The following SCD variants were observed in gnomAD, a reference collection of about 807,000 sequenced individuals.
SCD encodes stearoyl-CoA desaturase.
SCD carries 4 observed loss-of-function variants against 35.7 expected under a neutral mutation model. The ratio of observed to expected loss-of-function variants is 0.11; its 90% CI spans 0.06 to 0.26. The LOEUF is 0.26. SCD is among the 10% of genes least tolerant of loss of function. The pLI is 1.00. For missense variants in SCD, 282 were observed against 460.7 expected, an observed-to-expected ratio of 0.61 and a Z score of 3.55; for synonymous variants, 150 against 170.2, an observed-to-expected ratio of 0.88 and a Z score of 0.92.
rs1381611831 is a variant in SCD at position 100,363,064 on chromosome 10, C to T, written c.*2131C>T. 5.9e-5 allele frequency: 9 copies of T among 152,256 alleles called. No homozygotes were observed. The highest frequency in any genetic ancestry group is 1.9e-4 in the East Asian group (1 of 5,204). 9.4% of individuals were successfully genotyped at this position (152,256 alleles called of 1,614,324 possible). ...GGGCAAGAACCCAAGTGCCTCACCT[C>T]GAAAGGAGGCCCTGTTCCCTGGAGT... On this transcript the variant is annotated 3_prime_UTR_variant, in exon 6 of 6. Transcript: ENST00000370355.
chr10:100,348,134 A>G lies in SCD; in HGVS notation c.98A>G (p.Asp33Gly), dbSNP rs1278432416. 6.2e-7 allele frequency: 1 copy of G among 1,613,670 alleles called. No individual in the cohort carries two copies. Among genetic ancestry groups the G allele is most frequent in the Non-Finnish European group, 8.5e-7 (1 of 1,179,812 alleles). Residue 33 changes from aspartate to glycine, a missense_variant, in exon 2 of 6, where the codon GAT becomes GGT. Transcript: ENST00000370355. ...PPSRVLQNGG[D>G]KLETMPLYLE... is the part of the protein sequence containing the mutation. The stretch of plus-strand genomic sequence containing the variant: ...TCCAGGGTCCTGCAGAATGGAGGAG[A>G]TAAGTTGGAGACGATGCCCCTCTAC...
rs1424413326 is a variant in SCD at position 100,354,514 on chromosome 10, T to C, written c.529T>C (p.Phe177Leu). 2.5e-6 allele frequency: 4 copies of C among 1,613,886 alleles called. No individual in the cohort carries two copies. The highest frequency in any genetic ancestry group is 3.4e-6 in the Non-Finnish European group (4 of 1,179,950). Residue 177 changes from phenylalanine (F) to leucine (L), a missense_variant, in exon 4 of 6, where the codon TTT (phenylalanine) becomes CTT (leucine). Transcript: ENST00000370355. The stretch of plus-strand genomic sequence containing the variant: ...TGATCCTCATAATTCCCGACGTGGC[T>C]TTTTCTTCTCTCACGTGGGTTGGCT... Reference protein sequence around the residue: ...HADPHNSRRGFFFSHVGWLLV... With the variant: ...HADPHNSRRGLFFSHVGWLLV...
intron 5 of SCD, 135 bp from the exon 6 acceptor site, chr10:100,360,599 A>G (rs1480135537): frequency 1.1e-5 from 8 of 707,620 alleles, no homozygotes; most frequent in Non-Finnish European, 1.5e-5. Flanking sequence ...GGTTCATATT[A>G]AAAGAGACTG....
chr10:100,352,307 T>A lies in SCD; in HGVS notation c.311-59T>A. The A allele has an allele frequency of 1.3e-6, 2 of 1,568,486 alleles. No individual in the cohort carries two copies. Among genetic ancestry groups the A allele is most frequent in the Non-Finnish European group, 1.7e-6 (2 of 1,148,012 alleles). On this transcript the variant is annotated intron_variant, in intron 2 of 5. Transcript: ENST00000370355. This position sits in a 1 kb window ranked among gnomAD's most constrained non-coding sequence, Gnocchi z 4.2. ...TAGCATCCAGAGAGTGTCTCTGGCATCCTTTCCCAGATGGAACTCACACTG... is the reference window on the plus strand; with the variant it reads ...TAGCATCCAGAGAGTGTCTCTGGCAACCTTTCCCAGATGGAACTCACACTG...
chr10:100,348,008 C>T, intron 1 of SCD, 56 bp from the exon 2 acceptor site: 1 of 1,551,662 alleles, frequency 6.4e-7, no homozygotes, highest in South Asian at 1.2e-5. Context: ...AGCGGAGTGG[C>T]CCCAGCTGCC....
Position 100,348,257 on chromosome 10 carries a change from G to A in SCD, c.221G>A (p.Arg74Lys). ...GPSPKVEYVW[R>K]NIILMSLLHL... ...AGCCCCAAGGTTGAATATGTCTGGA[G>A]AAACATCATCCTTATGTCTCTGCTA... Residue 74 changes from arginine to lysine, a missense_variant, in exon 2 of 6, where the codon AGA becomes AAA. Arg to Lys is a conservative substitution (Grantham distance 26). Coordinates refer to ENST00000370355, the MANE Select transcript of SCD (RefSeq NM_005063.5). 6.2e-7 allele frequency: 1 copy of A among 1,614,162 alleles called. No individual in the cohort carries two copies. Among genetic ancestry groups the A allele is most frequent in the Non-Finnish European group, 8.5e-7 (1 of 1,180,024 alleles).
In SCD at chr10:100,352,850, A is replaced by G. The variant is rs146918643; in HGVS notation, c.441+354A>G. Among the ~76,000 whole-genome samples the G allele has an allele frequency of 2.4e-4, 36 of 152,322 alleles. No homozygotes were observed. The highest frequency in any genetic ancestry group is 7.9e-4 in the African/African-American group (33 of 41,574). On this transcript the variant is annotated intron_variant, in intron 3 of 5. Transcript: ENST00000370355. This position sits in a 1 kb window ranked among gnomAD's most constrained non-coding sequence, Gnocchi z 4.2. ...TTAGATTCCTGGGCAGACACTGGAC[A>G]ATAAATTCACTATTTAAGGTAAATA...
intron 2 of SCD, among the ~76,000 whole-genome samples, chr10:100,348,992 C>A (rs948013532): frequency 1.3e-5 from 2 of 152,206 alleles, no homozygotes; most frequent in African/African-American, 4.8e-5. Flanking sequence ...TACCAGTCAA[C>A]AAAATGCTCT....
chr10:100,360,675 G>A (rs1482533050), intron 5 of SCD, 59 bp from the exon 6 acceptor site: 2 of 1,473,256 alleles, frequency 1.4e-6, no homozygotes, highest in African/African-American at 2.8e-5. Context: ...TAACTGGTGT[G>A]CACAAATCAA....
rs925446194 is a variant in SCD, at chr10:100,364,646, C to T, written c.*3713C>T. 5 of 152,586 alleles carry T rather than the reference C, an allele frequency of 3.3e-5. No homozygotes were observed. Among genetic ancestry groups the T allele is most frequent in the East Asian group, 3.8e-4 (2 of 5,202 alleles). The allele number at this position is 152,586 out of a possible 1,614,324, so 9.5% of individuals were successfully genotyped here. A position where few individuals can be genotyped will look rare whatever the true frequency, so the allele number is the denominator to read the frequency against. ...AGAATACATAAACAACGCATTGCCACGGAAACATACAGAGGATGCCTTTTC... is the reference window on the plus strand; with the variant it reads ...AGAATACATAAACAACGCATTGCCATGGAAACATACAGAGGATGCCTTTTC... On this transcript the variant is annotated 3_prime_UTR_variant, in exon 6 of 6. Transcript: ENST00000370355.
chr10:100,353,475 C>T (rs1017677447), intron 3 of SCD, among the ~76,000 whole-genome samples: 9 of 151,074 alleles, frequency 6.0e-5, no homozygotes, highest in East Asian at 2.0e-4. Context: ...GTCCCAGCTA[C>T]GTGGGAGGCT....
rs35108206 is a variant in SCD at position 100,353,582 on chromosome 10, C to CAA, written c.442-828_442-827dup. 2.3e-3 allele frequency among the ~76,000 whole-genome samples: 249 copies of CAA among 106,376 alleles called. 2 individuals are homozygous for CAA. The highest frequency in any genetic ancestry group is 0.011 in the East Asian group (43 of 3,778). 69.8% of individuals were successfully genotyped at this position (106,376 alleles called of 152,430 possible). ...CCTGGGCAACAGCAAGACTCCATCTCAAAAAAAAAAAAAAAAAAGTTTATA... is the reference window on the plus strand; with the variant it reads ...CCTGGGCAACAGCAAGACTCCATCTCAAAAAAAAAAAAAAAAAAAAGTTTATA... On this transcript the variant is annotated intron_variant, in intron 3 of 5. Coordinates refer to ENST00000370355, the MANE Select transcript of SCD (RefSeq NM_005063.5).
rs1849910609 is a variant in SCD at position 100,354,764 on chromosome 10, T to TA, written c.647+136dup. 4.3e-6 allele frequency: 3 copies of TA among 695,762 alleles called. No individual in the cohort carries two copies. The Admixed American group carries it at 8.2e-5, about 19-fold the overall frequency. The allele number at this position is 695,762 out of a possible 1,614,324, so 43.1% of individuals were successfully genotyped here. On this transcript the variant is annotated intron_variant, in intron 4 of 5. Transcript: ENST00000370355. ...GGTTTGCATGTTCACAATCTTAATT[T>TA]AAAATCCCAATTTTTAACATCCCAC... is the stretch of plus-strand genomic sequence containing the variant.
Position 100,357,042 on chromosome 10 carries a change from G to A in SCD, c.880+278G>A, listed in dbSNP as rs147110278. ...CAAATGCCATGTATGCTCCGGGCCCGGCGGCTCATGCCTGTAATCCCAGCA... is the reference window on the plus strand; with the variant it reads ...CAAATGCCATGTATGCTCCGGGCCCAGCGGCTCATGCCTGTAATCCCAGCA... On this transcript the variant is annotated intron_variant, in intron 5 of 5. Coordinates refer to ENST00000370355, the MANE Select transcript of SCD (RefSeq NM_005063.5). Among the ~76,000 whole-genome samples, 519 of 152,318 alleles carry A rather than the reference G, an allele frequency of 3.4e-3. 2 individuals carry two copies. Among genetic ancestry groups the A allele is most frequent in the Non-Finnish European group, 5.0e-3 (343 of 68,022 alleles).
chr10:100,356,894 T>C lies in SCD; in HGVS notation c.880+130T>C, dbSNP rs771961132. ...TATCTCAGTTTTTCCACTATAAAAT[T>C]AGGGGGCAGTATACTGGAAAACGCT... is the stretch of plus-strand genomic sequence containing the variant. On this transcript the variant is annotated intron_variant, in intron 5 of 5. Coordinates refer to ENST00000370355, the MANE Select transcript of SCD (RefSeq NM_005063.5). The surrounding 1 kb of genome is among the most constrained non-coding windows in gnomAD (Gnocchi z 4.1). The C allele has an allele frequency of 8.6e-6, 6 of 701,240 alleles. No homozygotes were observed. Among genetic ancestry groups the C allele is most frequent in the Non-Finnish European group, 1.5e-5 (6 of 410,908 alleles). The allele number at this position is 701,240 out of a possible 1,614,324, so 43.4% of individuals were successfully genotyped here. A position where few individuals can be genotyped will look rare whatever the true frequency, so the allele number is the denominator to read the frequency against.
intron 2 of SCD, among the ~76,000 whole-genome samples, chr10:100,349,114 A>G (rs1849844261): frequency 1.3e-5 from 2 of 152,154 alleles, no homozygotes; most frequent in Non-Finnish European, 2.9e-5. Flanking sequence ...TTCCAACACC[A>G]GTCCTACCCA....
chr10:100,353,511 G>A (rs1849892982), intron 3 of SCD, among the ~76,000 whole-genome samples: 1 of 151,800 alleles, frequency 6.6e-6, no homozygotes, highest in Admixed American at 6.6e-5. Flanking sequence ...TGTGAACCTG[G>A]GAGGCAGAGC....
rs757038231 is a variant in SCD at position 100,348,299 on chromosome 10, A to G, written c.263A>G (p.Tyr88Cys). ...LMSLLHLGAL[Y>C]GITLIPTCKF... ...TCTCTGCTACACTTGGGAGCCCTGT[A>G]TGGGATCACTTTGATTCCTACCTGC... is the stretch of plus-strand genomic sequence containing the variant. Residue 88 changes from tyrosine (Y) to cysteine (C), a missense_variant, in exon 2 of 6, where the codon TAT becomes TGT. This residue lies in a region of SCD where 205 missense variants were observed against 372.3 expected (regional missense o/e 0.55). Transcript: ENST00000370355. 1.2e-6 allele frequency: 2 copies of G among 1,614,100 alleles called. No individual in the cohort carries two copies. Among genetic ancestry groups the G allele is most frequent in the Non-Finnish European group, 1.7e-6 (2 of 1,180,012 alleles).
intron 1 of SCD, 128 bp from the exon 2 acceptor site, chr10:100,347,936 C>A: frequency 1.1e-6 from 1 of 922,338 alleles, no homozygotes; most frequent in Non-Finnish European, 1.7e-6. Context: ...ACCCTACCCT[C>A]AGTGAACTAC....
Sources: allele counts gnomAD v4.1 joint callset (sites outside exome capture counted in the v4.1 genomes callset), GRCh38; gene constraint gnomAD v4.1.1; regional missense constraint gnomAD v4.1.1; non-coding constraint Gnocchi (gnomAD v3.1); transcripts MANE v1.5; gene names NCBI Gene and HGNC (gene_info 2026-07-23, HGNC 2026-07-21).